Variants in TENM2 observed in about 807,000 individuals in gnomAD.
TENM2 encodes the protein teneurin transmembrane protein 2.
Under a neutral mutation model 245.2 loss-of-function variants are expected in TENM2, and 52 were observed. That is an observed-to-expected ratio of 0.21 (90% CI 0.17 to 0.27). TENM2 has a LOEUF of 0.27. Among genes scored for constraint, TENM2 ranks in the 10% least tolerant of loss-of-function variants. The probability of loss-of-function intolerance (pLI) is 1.00; values close to 1 mark genes in which losing one functional copy is unlikely to be tolerated. For missense variants in TENM2, 3,046 were observed against 3,666.8 expected (o/e 0.83, Z 4.37); for synonymous variants, 1,363 against 1,438.9 (o/e 0.95, Z 1.19).
At chr5:168,142,177 C>A (rs1755613121) in intron 12 of TENM2, among the ~76,000 whole-genome samples, 1 of 152,204 alleles carries the variant, frequency 6.6e-6, no homozygotes, top group Admixed American at 6.5e-5. Context: ...CTCAGGGAGG[C>A]CCAAGTAGAC....
chr5:168,257,007 T>G (rs1043830782), intron 27 of TENM2, among the ~76,000 whole-genome samples: 3 of 152,182 alleles, frequency 2.0e-5, no homozygotes, highest in Non-Finnish European at 2.9e-5. Flanking sequence ...TTGCCACATA[T>G]GTCCTGTGCT....
At chr5:167,037,648 G>A in the TENM2 span, among the ~76,000 whole-genome samples, 4 of 152,154 alleles carry the variant, frequency 2.6e-5, no homozygotes, top group African/African-American at 9.7e-5. Flanking sequence ...TGCAGAAGGA[G>A]TGCCTGGAAC....
intron 2 of TENM2, among the ~76,000 whole-genome samples, chr5:167,688,294 G>A (rs1479000092): frequency 6.6e-6 from 1 of 152,060 alleles, no homozygotes; most frequent in Non-Finnish European, 1.5e-5. Flanking sequence ...TTACTGTATT[G>A]TGAACTTTCC....
At chr5:168,093,223 C>T (rs933690955) in intron 8 of TENM2, among the ~76,000 whole-genome samples, 15 of 152,176 alleles carry the variant, frequency 9.9e-5, no homozygotes, top group Admixed American at 5.2e-4. Flanking sequence ...CACATGGACA[C>T]AGGCATTGTG....
the TENM2 span, among the ~76,000 whole-genome samples, chr5:166,979,188 C>G: frequency 8.2e-4 from 80 of 97,606 alleles, no homozygotes; most frequent in South Asian, 2.4e-3. Flanking sequence ...AGCAGCAGCA[C>G]CACCACCAGC....
intron 1 of TENM2, among the ~76,000 whole-genome samples, chr5:167,341,867 C>T (rs1247116642): frequency 6.6e-6 from 1 of 152,158 alleles, no homozygotes; most frequent in Non-Finnish European, 1.5e-5. Context: ...GCAAAATTTA[C>T]ATTTCACCAA....
At chr5:167,710,644 C>A (rs1330353707) in intron 2 of TENM2, among the ~76,000 whole-genome samples, 1 of 152,112 alleles carries the variant, frequency 6.6e-6, no homozygotes, top group African/African-American at 2.4e-5. Context: ...GGAAGTAAAA[C>A]TAGGAAAGCA....
intron 15 of TENM2, 36 bp from the exon 18 acceptor site, chr5:168,198,817 T>C: frequency 6.2e-7 from 1 of 1,602,160 alleles, no homozygotes; most frequent in Non-Finnish European, 8.5e-7. Context: ...TAAAAGTGAG[T>C]CTACCCCCTC....
chr5:167,535,018 A>G (rs1357894969), intron 2 of TENM2, among the ~76,000 whole-genome samples: 1 of 152,174 alleles, frequency 6.6e-6, no homozygotes, highest in African/African-American at 2.4e-5. Context: ...TCTCAGAGAT[A>G]AAAATAGTTG....
At chr5:167,466,740 T>G (rs1766678230) in intron 2 of TENM2, among the ~76,000 whole-genome samples, 5 of 152,186 alleles carry the variant, frequency 3.3e-5, no homozygotes, top group African/African-American at 1.2e-4. Flanking sequence ...TGTAGGAACA[T>G]AAATTACTTA....
At chr5:167,239,977 T>C in the TENM2 span, among the ~76,000 whole-genome samples, 2 of 152,208 alleles carry the variant, frequency 1.3e-5, no homozygotes, top group African/African-American at 2.4e-5. Context: ...TTCTTCCATG[T>C]TGGTCAGGCT....
At chr5:167,322,432 T>C (rs1362479409) in intron 1 of TENM2, among the ~76,000 whole-genome samples, 1 of 152,090 alleles carries the variant, frequency 6.6e-6, no homozygotes, top group East Asian at 1.9e-4. Flanking sequence ...GATTCTAATA[T>C]ATCACATTCA....
At chr5:167,147,968 A>C in the TENM2 span, among the ~76,000 whole-genome samples, 1 of 152,220 alleles carries the variant, frequency 6.6e-6, no homozygotes, top group African/African-American at 2.4e-5. Flanking sequence ...GTTTCCATGC[A>C]GAATGAGGAT....
the TENM2 span, among the ~76,000 whole-genome samples, chr5:167,245,350 T>A: frequency 6.6e-6 from 1 of 152,164 alleles, no homozygotes; most frequent in South Asian, 2.1e-4. Flanking sequence ...CATAGTATTT[T>A]AGTTCCATTC....
At chr5:167,842,731 G>A (rs777310536) in intron 2 of TENM2, among the ~76,000 whole-genome samples, 3 of 152,068 alleles carry the variant, frequency 2.0e-5, no homozygotes, top group Non-Finnish European at 4.4e-5. Flanking sequence ...CACTCAAGGA[G>A]CTGAGTCTAC....
intron 7 of TENM2, among the ~76,000 whole-genome samples, chr5:168,067,872 CT>C (rs879687595): frequency 1.4e-4 from 21 of 152,286 alleles, no homozygotes; most frequent in Non-Finnish European, 2.8e-4. Flanking sequence ...TCAAATCGCG[CT>C]TTGCAGAAGC....
At chr5:167,488,533 A>G (rs1263351196) in intron 2 of TENM2, among the ~76,000 whole-genome samples, 1 of 151,866 alleles carries the variant, frequency 6.6e-6, no homozygotes, top group Non-Finnish European at 1.5e-5. Flanking sequence ...TTTGCTCGTG[A>G]CTCATTAACT....
At chr5:167,102,532 C>G in the TENM2 span, among the ~76,000 whole-genome samples, 12 of 152,296 alleles carry the variant, frequency 7.9e-5, no homozygotes, top group African/African-American at 2.9e-4. Flanking sequence ...GGCCTTCTCA[C>G]TCAACTACGT....
the TENM2 span, among the ~76,000 whole-genome samples, chr5:166,993,920 A>G: frequency 6.6e-6 from 1 of 152,170 alleles, no homozygotes; most frequent in African/African-American, 2.4e-5. Flanking sequence ...GAGAGATGAT[A>G]GGTTTGTTTC....
Sources: gnomAD v4.1 joint callset for allele counts (sites outside exome capture counted in the v4.1 genomes callset) on GRCh38, gnomAD v4.1.1 for gene constraint, MANE v1.5 for transcripts, NCBI Gene and HGNC (gene_info 2026-07-23, HGNC 2026-07-21) for gene names.